ZNF804A: variants seen among roughly 807,000 people sequenced by gnomAD.
ZNF804A encodes zinc finger protein 804A.
In ZNF804A, 2 loss-of-function variants were observed where a neutral mutation model predicts 16.5. The ratio of observed to expected loss-of-function variants is 0.12; its 90% CI spans 0.05 to 0.38. ZNF804A has a LOEUF of 0.38. Ranked by LOEUF, ZNF804A falls within the 10% of genes least tolerant of loss-of-function variation. ZNF804A has a pLI of 0.99. For synonymous variants in ZNF804A, 534 were observed against 489.6 expected (o/e 1.09, Z -1.20); for missense variants, 1,473 against 1,390.7 (o/e 1.06, Z -0.94).
At chr2:184,719,428 G>A (rs1693269248) in intron 1 of ZNF804A, among the ~76,000 whole-genome samples, 1 of 152,096 alleles carries the variant, frequency 6.6e-6, no homozygotes, top group African/African-American at 2.4e-5. Flanking sequence ...GCAGCTGGCT[G>A]GAATTTCTTC....
chr2:184,664,042 T>C (rs1367870801), intron 1 of ZNF804A, among the ~76,000 whole-genome samples: 2 of 152,246 alleles, frequency 1.3e-5, no homozygotes, highest in Non-Finnish European at 2.9e-5. Context: ...TTGGCTTGAA[T>C]ATATACTTTG....
intron 1 of ZNF804A, among the ~76,000 whole-genome samples, chr2:184,611,693 C>CG (rs1691242147): frequency 6.6e-6 from 1 of 151,690 alleles, no homozygotes; most frequent in Non-Finnish European, 1.5e-5. Flanking sequence ...CTCTTCTTTT[C>CG]AAAAAAACAG....
Position 184,840,947 on chromosome 2 carries a change from G to T in ZNF804A, c.112-25422G>T, listed in dbSNP as rs181588184. ...TCAGTTGAATTTTACTTAACATTAG[G>T]AGAAATTAAGACGTTTCGCCATAAT... On this transcript the variant is annotated intron_variant, in intron 1 of 3. Coordinates refer to ENST00000302277, the MANE Select transcript of ZNF804A (RefSeq NM_194250.2). Among the ~76,000 whole-genome samples the T allele has an allele frequency of 3.0e-4, 46 of 152,168 alleles. No homozygotes were observed. The South Asian group carries it at 4.6e-3, about 15-fold the overall frequency.
At chr2:184,864,103 G>A (rs1695838571) in intron 1 of ZNF804A, among the ~76,000 whole-genome samples, 1 of 152,094 alleles carries the variant, frequency 6.6e-6, no homozygotes, top group African/African-American at 2.4e-5. Context: ...CAGAAAATAG[G>A]TTTATTTGAC....
At chr2:184,746,257 T>C (rs1227308100) in intron 1 of ZNF804A, among the ~76,000 whole-genome samples, 1 of 151,550 alleles carries the variant, frequency 6.6e-6, no homozygotes, top group African/African-American at 2.4e-5. Context: ...AGTTGCCCTA[T>C]TGTGATACGA....
At chr2:184,688,928 A>G (rs1021187519) in intron 1 of ZNF804A, among the ~76,000 whole-genome samples, 37 of 152,318 alleles carry the variant, frequency 2.4e-4, no homozygotes, top group African/African-American at 8.2e-4. Flanking sequence ...TTGTTTGGAG[A>G]GAAGTTATGG....
intron 1 of ZNF804A, among the ~76,000 whole-genome samples, chr2:184,621,041 C>T (rs935168334): frequency 4.0e-5 from 6 of 151,074 alleles, no homozygotes; most frequent in African/African-American, 7.3e-5. Flanking sequence ...AAATAACAGA[C>T]GAACATAAAC....
At chr2:184,625,504 G>A (rs1235911070) in intron 1 of ZNF804A, among the ~76,000 whole-genome samples, 1 of 152,000 alleles carries the variant, frequency 6.6e-6, no homozygotes, top group Non-Finnish European at 1.5e-5. Flanking sequence ...ACATAAAGAT[G>A]AATACAGTAT....
intron 1 of ZNF804A, among the ~76,000 whole-genome samples, chr2:184,844,940 C>A (rs1695491278): frequency 6.6e-6 from 1 of 151,844 alleles, no homozygotes; most frequent in Non-Finnish European, 1.5e-5. Context: ...TTCCTTCCTT[C>A]CTTTTTAGTT....
chr2:184,642,087 T>C (rs1308563592), intron 1 of ZNF804A, among the ~76,000 whole-genome samples: 1 of 152,144 alleles, frequency 6.6e-6, no homozygotes, highest in East Asian at 1.9e-4. Context: ...CTCATTCACA[T>C]GGCTAATTAT....
intron 1 of ZNF804A, among the ~76,000 whole-genome samples, chr2:184,685,887 C>CT (rs1234855380): frequency 6.6e-6 from 1 of 152,246 alleles, no homozygotes; most frequent in Non-Finnish European, 1.5e-5. Context: ...AGCGCCCAGG[C>CT]TGTTCATGCC....
chr2:184,628,782 G>A (rs1345803930), intron 1 of ZNF804A, among the ~76,000 whole-genome samples: 1 of 151,952 alleles, frequency 6.6e-6, no homozygotes, highest in African/African-American at 2.4e-5. Context: ...AAATAGAATT[G>A]CCAGGTTGTA....
intron 1 of ZNF804A, among the ~76,000 whole-genome samples, chr2:184,641,594 CTG>C (rs758675712): frequency 1.3e-4 from 20 of 152,132 alleles, no homozygotes; most frequent in Non-Finnish European, 2.4e-4. Flanking sequence ...AGAAATTGCA[CTG>C]TTTCATTATA....
At chr2:184,855,840 A>C (rs187752084) in intron 1 of ZNF804A, among the ~76,000 whole-genome samples, 178 of 152,164 alleles carry the variant, frequency 1.2e-3, no homozygotes, top group Admixed American at 8.0e-3. Flanking sequence ...AAAACAACCC[A>C]GGTGTTCACT....
At chr2:184,679,294 C>T (rs1205389101) in intron 1 of ZNF804A, among the ~76,000 whole-genome samples, 1 of 152,174 alleles carries the variant, frequency 6.6e-6, no homozygotes, top group African/African-American at 2.4e-5. Context: ...AACTAATAGA[C>T]AAGGTAGATG....
intron 1 of ZNF804A, among the ~76,000 whole-genome samples, chr2:184,723,319 A>G (rs902272490): frequency 6.6e-6 from 1 of 151,852 alleles, no homozygotes; most frequent in Non-Finnish European, 1.5e-5. Context: ...TATCACTGTG[A>G]TTGACATACA....
chr2:184,690,479 T>C (rs1039718178), intron 1 of ZNF804A, among the ~76,000 whole-genome samples: 3 of 152,064 alleles, frequency 2.0e-5, no homozygotes, highest in Admixed American at 6.5e-5. Context: ...GGCAACAGCC[T>C]GTTGAATTGA....
Position 184,937,432 on chromosome 2 carries a change from C to T in ZNF804A, c.2036C>T (p.Thr679Ile). Reference protein sequence around the residue: ...DNEEMCKTWNTEYNTYDTISS... With the variant: ...DNEEMCKTWNIEYNTYDTISS... ...GAAGAAATGTGTAAAACATGGAATA[C>T]TGAATACAACACTTATGATACTATC... Residue 679 changes from threonine (T) to isoleucine (I), a missense_variant, in exon 4 of 4, where the codon ACT becomes ATT. Thr to Ile is a moderately conservative substitution (Grantham distance 89). Transcript: ENST00000302277. 1.2e-6 allele frequency: 2 copies of T among 1,612,218 alleles called. No individual in the cohort carries two copies. Among genetic ancestry groups the T allele is most frequent in the Non-Finnish European group, 8.5e-7 (1 of 1,179,278 alleles).
rs140499425 is a variant in ZNF804A at position 184,822,901 on chromosome 2, A to G, written c.112-43468A>G. On this transcript the variant is annotated intron_variant, in intron 1 of 3. Coordinates refer to ENST00000302277, the MANE Select transcript of ZNF804A (RefSeq NM_194250.2). ...TTTGATTTGATCTAAAGAAAATGTT[A>G]TTTTTTTGTCCATATGTGTATGTGT... Among the ~76,000 whole-genome samples, 1,100 of 152,102 alleles carry G rather than the reference A, an allele frequency of 7.2e-3. 18 individuals carry two copies. Among genetic ancestry groups the G allele is most frequent in the African/African-American group, 0.025 (1,041 of 41,514 alleles).
Sources: gnomAD v4.1 joint callset for allele counts (sites outside exome capture counted in the v4.1 genomes callset) on GRCh38, gnomAD v4.1.1 for gene constraint, MANE v1.5 for transcripts, NCBI Gene and HGNC (gene_info 2026-07-23, HGNC 2026-07-21) for gene names.